Variants in TRMO observed in about 807,000 individuals in gnomAD.
The protein encoded by TRMO is tRNA methyltransferase O, also known as tRNA (adenine(37)-N6)-methyltransferase.
In TRMO, 30 loss-of-function variants were observed where a neutral mutation model predicts 37.2. The observed-to-expected ratio is 0.81, with a 90% CI of 0.60 to 1.09. The LOEUF (loss-of-function observed/expected upper bound fraction) is 1.09. Among genes scored for constraint, TRMO ranks in the 50% least tolerant of loss-of-function variants. The pLI, the probability that TRMO is intolerant of heterozygous loss-of-function variation, is 0.00. For missense variants in TRMO, 552 were observed against 549.5 expected (o/e 1.00, Z -0.05); for synonymous variants, 239 against 199.4 (o/e 1.20, Z -1.67).
Position 97,910,129 on chromosome 9 carries a change from T to C in TRMO, c.897A>G (p.Gln299=). The C allele has an allele frequency of 6.2e-7, 1 of 1,614,194 alleles. No homozygotes were observed. The highest frequency in any genetic ancestry group is 8.5e-7 in the Non-Finnish European group (1 of 1,180,032). The part of the protein sequence containing the change: ...LERVEGAAVL[Q]GSRAETQPMA... ...TGGGCTGTGTCTCTGCCCTGCTTCC[T>C]TGCAAGACTGCTGCTCCTTCCACTC... The change falls in exon 4 of 5, where the codon CAA becomes CAG. Residue 299 remains glutamine (Q), a synonymous_variant. Transcript: ENST00000375119.
At chr9:97,916,418 T>A in intron 1 of TRMO, 80 bp from the exon 2 acceptor site, 7 of 984,980 alleles carry the variant, frequency 7.1e-6, no homozygotes, top group East Asian at 5.0e-5. Context: ...CTCTAATGCA[T>A]TGGTTTCATA....
chr9:97,906,157 C>CA (rs34793206), intron 4 of TRMO, among the ~76,000 whole-genome samples: 160 of 133,488 alleles, frequency 1.2e-3, no homozygotes, highest in South Asian at 2.2e-3. Context: ...GACTGTATCT[C>CA]AAAAAAAAAA....
chr9:97,904,858 C>T lies in TRMO; in HGVS notation c.1201G>A (p.Val401Ile), dbSNP rs1470970881. ...CAGCAAGTGACATGCGCTATGTCTACAGTAAAGTAGAAAAGGCGGTCCTGG... is the reference window on the plus strand; with the variant it reads ...CAGCAAGTGACATGCGCTATGTCTATAGTAAAGTAGAAAAGGCGGTCCTGG... The part of the protein sequence containing the change: ...LCQDRLFYFT[V>I]DIAHVTCWFG... Residue 401 changes from valine (V) to isoleucine (I), a missense_variant, in exon 5 of 5, where the codon GTA becomes ATA. Physicochemically the swap from Val to Ile is conservative, Grantham distance 29 (BLOSUM62 3). Coordinates refer to ENST00000375119, the MANE Select transcript of TRMO (RefSeq NM_016481.5). The T allele has an allele frequency of 1.9e-6, 3 of 1,614,188 alleles. No homozygotes were observed. Among genetic ancestry groups the T allele is most frequent in the Non-Finnish European group, 2.5e-6 (3 of 1,180,038 alleles).
chr9:97,897,621 A>G, the TRMO span, among the ~76,000 whole-genome samples: 1 of 152,234 alleles, frequency 6.6e-6, no homozygotes, highest in Admixed American at 6.5e-5. Flanking sequence ...CAAATAAGAT[A>G]ATATATTTTA....
intron 2 of TRMO, among the ~76,000 whole-genome samples, chr9:97,915,498 T>A (rs1294280836): frequency 6.6e-6 from 1 of 152,218 alleles, no homozygotes; most frequent in Non-Finnish European, 1.5e-5. Context: ...ACCCCTGGTC[T>A]AGAGGGTAGA....
In TRMO at chr9:97,904,490, C is replaced by T; in HGVS notation, c.*243G>A. ...CTTTCAGAAATTATCGAGACAGCAT[C>T]ACCTTTTGATTCTTTAATATCAACA... is the stretch of plus-strand genomic sequence containing the variant. On this transcript the variant is annotated 3_prime_UTR_variant, in exon 5 of 5. Transcript: ENST00000375119. The T allele has an allele frequency of 7.7e-7, 1 of 1,297,114 alleles. No homozygotes were observed. The highest frequency in any genetic ancestry group is 1.5e-5 in the African/African-American group (1 of 67,170). 80.4% of individuals were successfully genotyped at this position (1,297,114 alleles called of 1,614,324 possible).
rs201767472 is a variant in TRMO, at chr9:97,910,594, T to C, written c.432A>G (p.Gly144=). 15 of 1,613,954 alleles carry C rather than the reference T, an allele frequency of 9.3e-6. No individual in the cohort carries two copies. The Admixed American group carries it at 2.5e-4, about 27-fold the overall frequency. The change falls in exon 4 of 5, where the codon GGA becomes GGG. Residue 144 remains glycine, a synonymous_variant. Coordinates refer to ENST00000375119, the MANE Select transcript of TRMO (RefSeq NM_016481.5). The part of the protein sequence containing the change: ...KVEGGAIYLS[G]IDMIHGTPVL... ...CGGGTGTGCCATGTATCATGTCAAT[T>C]CCAGAAAGGTATATAGCTCCACCTA...
At chr9:97,908,659 CCTT>C (rs1825972879) in intron 4 of TRMO, among the ~76,000 whole-genome samples, 1 of 152,122 alleles carries the variant, frequency 6.6e-6, no homozygotes, top group African/African-American at 2.4e-5. Context: ...ACTCTTATCA[CCTT>C]CTAATATTAT....
At chr9:97,911,300 TG>T (rs1431163018) in intron 3 of TRMO, 1 of 159,378 alleles carries the variant, frequency 6.3e-6, no homozygotes, top group African/African-American at 2.4e-5. Context: ...GAAGGCTTGC[TG>T]AAGTAGGCAG....
downstream of TRMO, chr9:97,900,932 C>G (rs1831154551): frequency 6.5e-6 from 1 of 152,686 alleles, no homozygotes. Flanking sequence ...GTGCACAGAT[C>G]CACATGCTGG....
Position 97,916,284 on chromosome 9 carries a change from T to A in TRMO, c.131A>T (p.Asn44Ile). The A allele has an allele frequency of 6.2e-7, 1 of 1,613,780 alleles. No homozygotes were observed. Among genetic ancestry groups the A allele is most frequent in the Non-Finnish European group, 8.5e-7 (1 of 1,179,838 alleles). Residue 44 changes from asparagine (N) to isoleucine (I), a missense_variant, in exon 2 of 5, where the codon AAT becomes ATT. Transcript: ENST00000375119. The stretch of plus-strand genomic sequence containing the variant: ...AATGGATGGCTGTCTTGGAGTACCA[T>A]TCTTGGCCGAGAAACAAGATTCCAA... Reference protein sequence around the residue: ...GYLESCFSAKNGTPRQPSICS... With the variant: ...GYLESCFSAKIGTPRQPSICS...
rs758783430 is a variant in TRMO at position 97,910,548 on chromosome 9, T to C, written c.478A>G (p.Ile160Val). ...TTTTGCGGTGAGTCATACTCAGCTATGTAGGGCTTGATGTCTAGTACGGGT... is the reference window on the plus strand; with the variant it reads ...TTTTGCGGTGAGTCATACTCAGCTACGTAGGGCTTGATGTCTAGTACGGGT... Reference protein sequence around the residue: ...GTPVLDIKPYIAEYDSPQNVM... With the variant: ...GTPVLDIKPYVAEYDSPQNVM... Residue 160 changes from isoleucine to valine, a missense_variant, in exon 4 of 5, where the codon ATA (isoleucine) becomes GTA (valine). Physicochemically the swap from Ile to Val is conservative, Grantham distance 29. Coordinates refer to ENST00000375119, the MANE Select transcript of TRMO (RefSeq NM_016481.5). 63 of 1,614,104 alleles carry C rather than the reference T, an allele frequency of 3.9e-5. No homozygotes were observed. Among genetic ancestry groups the C allele is most frequent in the Non-Finnish European group, 4.9e-5 (58 of 1,180,040 alleles).
At chr9:97,917,054 G>A (rs1025267528) in intron 1 of TRMO, among the ~76,000 whole-genome samples, 3 of 152,014 alleles carry the variant, frequency 2.0e-5, no homozygotes, top group Non-Finnish European at 4.4e-5. Flanking sequence ...ACCTCCCAAA[G>A]TGCTGGGATT....
chr9:97,910,722 C>T (rs1448602870), intron 3 of TRMO, 106 bp from the exon 4 acceptor site: 1 of 1,279,504 alleles, frequency 7.8e-7, no homozygotes. Context: ...ACTGCACTTA[C>T]TCATAATTCT....
chr9:97,902,404 G>A (rs1018440117), downstream of TRMO, among the ~76,000 whole-genome samples: 2 of 152,166 alleles, frequency 1.3e-5, no homozygotes, highest in African/African-American at 4.8e-5. Context: ...AGGTTCAAGC[G>A]ATTCTCCTGC....
chr9:97,900,127 G>A (rs1369532663), downstream of TRMO, among the ~76,000 whole-genome samples: 1 of 152,154 alleles, frequency 6.6e-6, no homozygotes, highest in South Asian at 2.1e-4. Context: ...AGATCCCCCT[G>A]AAGTCTGCTT....
At chr9:97,906,093 G>A (rs902648460) in intron 4 of TRMO, among the ~76,000 whole-genome samples, 3 of 151,438 alleles carry the variant, frequency 2.0e-5, no homozygotes, top group African/African-American at 7.3e-5. Flanking sequence ...GGGAGGTGGA[G>A]GTTGCAGTGA....
the TRMO span, among the ~76,000 whole-genome samples, chr9:97,896,947 G>A: frequency 6.6e-6 from 1 of 152,202 alleles, no homozygotes; most frequent in African/African-American, 2.4e-5. Flanking sequence ...GTACTGAAGA[G>A]AATAAAGCAA....
At chr9:97,897,305 G>T in the TRMO span, among the ~76,000 whole-genome samples, 1 of 152,198 alleles carries the variant, frequency 6.6e-6, no homozygotes, top group East Asian at 1.9e-4. Context: ...GAGTTTCAGA[G>T]AAATAATGTT....
Sources: gnomAD v4.1 joint callset for allele counts (sites outside exome capture counted in the v4.1 genomes callset) on GRCh38, gnomAD v4.1.1 for gene constraint, MANE v1.5 for transcripts, NCBI Gene and HGNC (gene_info 2026-07-23, HGNC 2026-07-21) for gene names.